CORIN: variants seen among roughly 807,000 people sequenced by gnomAD.
The protein encoded by CORIN is corin, serine peptidase.
CORIN carries 117 observed loss-of-function variants against 125.3 expected under a neutral mutation model. That is an observed-to-expected ratio of 0.93 (90% CI 0.80 to 1.09). The LOEUF (loss-of-function observed/expected upper bound fraction) is 1.09. Ranked by LOEUF, CORIN falls within the 50% of genes least tolerant of loss-of-function variation. The pLI is 0.00. For missense variants in CORIN, 1,253 were observed against 1,306.7 expected (o/e 0.96, Z 0.63); for synonymous variants, 450 against 466.4 (o/e 0.96, Z 0.45).
At chr4:47,681,357 G>A (rs1328037448) in intron 7 of CORIN, 2 of 152,274 alleles carry the variant, frequency 1.3e-5, no homozygotes, top group Admixed American at 1.3e-4. Context: ...CTGAAGGAAA[G>A]TGATAATTAT....
intron 5 of CORIN, among the ~76,000 whole-genome samples, chr4:47,716,158 C>G (rs1368474853): frequency 1.3e-5 from 2 of 152,202 alleles, no homozygotes; most frequent in African/African-American, 2.4e-5. Context: ...TAAAGAGTAA[C>G]AGGATGATCT....
At position 47,653,657 on chromosome 4, in the gene CORIN, C is replaced by T. The variant is rs1723837465; in HGVS notation, c.1739G>A (p.Cys580Tyr). 1.9e-6 allele frequency: 3 copies of T among 1,613,290 alleles called. No homozygotes were observed. The highest frequency in any genetic ancestry group is 1.7e-6 in the Non-Finnish European group (2 of 1,179,466). ...GCGGCACTTGAAATGACTAGGTGAG[C>T]ATTCTATTAAAAACAATATTACTGT... is the stretch of plus-strand genomic sequence containing the variant. ...CLMPDEYVEE[C>Y]SPSHFKCRSG... Residue 580 changes from cysteine (C) to tyrosine (Y), a missense_variant, in exon 13 of 22, where the codon TGC becomes TAC. Physicochemically the swap from Cys to Tyr is radical, Grantham distance 194. Transcript: ENST00000273857.
intron 5 of CORIN, among the ~76,000 whole-genome samples, chr4:47,720,290 C>T (rs1727287438): frequency 1.3e-5 from 2 of 152,154 alleles, no homozygotes; most frequent in South Asian, 4.1e-4. Context: ...AACAGGTGGA[C>T]TTATTTTCAG....
intron 19 of CORIN, among the ~76,000 whole-genome samples, chr4:47,603,883 G>A (rs977629685): frequency 2.6e-5 from 4 of 152,158 alleles, no homozygotes; most frequent in Admixed American, 2.0e-4. Flanking sequence ...TCCTGAATGG[G>A]GCTAGTCTTT....
At chr4:47,634,717 T>C (rs1429409601) in intron 16 of CORIN, among the ~76,000 whole-genome samples, 17 of 152,220 alleles carry the variant, frequency 1.1e-4, no homozygotes, top group Admixed American at 1.1e-3. Flanking sequence ...ACCAATTACT[T>C]TGGCCTGGCA....
intron 3 of CORIN, among the ~76,000 whole-genome samples, chr4:47,777,972 G>A (rs959161884): frequency 1.3e-5 from 2 of 152,120 alleles, no homozygotes; most frequent in African/African-American, 2.4e-5. Context: ...AGAACCAGAG[G>A]AAAAAGTAAA....
intron 10 of CORIN, among the ~76,000 whole-genome samples, chr4:47,673,823 G>T (rs578076222): frequency 1.2e-4 from 18 of 152,262 alleles, no homozygotes; most frequent in African/African-American, 4.1e-4. Flanking sequence ...CCAGGCAGAT[G>T]GATCACTGAG....
At chr4:47,822,457 C>T (rs1732560455) in intron 1 of CORIN, among the ~76,000 whole-genome samples, 2 of 152,162 alleles carry the variant, frequency 1.3e-5, no homozygotes, top group African/African-American at 4.8e-5. Context: ...CAATAATACC[C>T]CTTCTACCAA....
At chr4:47,822,435 T>C (rs1046611168) in intron 1 of CORIN, among the ~76,000 whole-genome samples, 1 of 152,254 alleles carries the variant, frequency 6.6e-6, no homozygotes, top group African/African-American at 2.4e-5. Flanking sequence ...CCACTGGTTT[T>C]TCCATTAGTC....
chr4:47,678,639 G>C (rs2109707599), intron 8 of CORIN, among the ~76,000 whole-genome samples: 1 of 152,320 alleles, frequency 6.6e-6, no homozygotes, highest in Admixed American at 6.5e-5. Context: ...ACTTGTTTAT[G>C]ACAACTGATA....
intron 3 of CORIN, among the ~76,000 whole-genome samples, chr4:47,764,823 A>G (rs1183971813): frequency 1.3e-5 from 2 of 152,188 alleles, no homozygotes; most frequent in African/African-American, 4.8e-5. Flanking sequence ...AATATGTAAT[A>G]CACCTGTATA....
intron 4 of CORIN, among the ~76,000 whole-genome samples, chr4:47,761,496 C>CAA (rs1301276632): frequency 6.6e-6 from 1 of 151,900 alleles, no homozygotes; most frequent in African/African-American, 2.4e-5. Context: ...CACACACACA[C>CAA]ACACACACAC....
intron 4 of CORIN, among the ~76,000 whole-genome samples, chr4:47,752,048 C>G (rs555390099): frequency 1.4e-4 from 21 of 152,104 alleles, no homozygotes; most frequent in Admixed American, 7.2e-4. Flanking sequence ...TCAATTATGA[C>G]AGGATGCTCA....
chr4:47,823,466 GGGTGGT>G (rs1366472203), intron 1 of CORIN, among the ~76,000 whole-genome samples: 1 of 152,092 alleles, frequency 6.6e-6, no homozygotes, highest in Non-Finnish European at 1.5e-5. Context: ...ATTGTTCCTG[GGGTGGT>G]GTTGTTCCCA....
At chr4:47,777,333 C>G (rs1427760727) in intron 3 of CORIN, among the ~76,000 whole-genome samples, 1 of 152,084 alleles carries the variant, frequency 6.6e-6, no homozygotes, top group Non-Finnish European at 1.5e-5. Context: ...TACCATAAGT[C>G]TTATTAATTC....
intron 5 of CORIN, among the ~76,000 whole-genome samples, chr4:47,743,795 G>A (rs957171528): frequency 1.3e-5 from 2 of 151,970 alleles, no homozygotes; most frequent in Non-Finnish European, 2.9e-5. Flanking sequence ...TGAGGCAGGA[G>A]AATTGCTCGA....
At chr4:47,662,684 T>C (rs1724306984) in intron 11 of CORIN, among the ~76,000 whole-genome samples, 4 of 152,104 alleles carry the variant, frequency 2.6e-5, no homozygotes, top group Admixed American at 2.6e-4. Flanking sequence ...TGGACTCAAA[T>C]AAACTCTTAC....
At chr4:47,819,166 C>T (rs1015922037) in intron 1 of CORIN, among the ~76,000 whole-genome samples, 5 of 152,142 alleles carry the variant, frequency 3.3e-5, no homozygotes, top group African/African-American at 9.6e-5. Flanking sequence ...AGGTTAGATG[C>T]GGATTTGAGA....
At chr4:47,679,932 G>A in intron 8 of CORIN, 2 of 402,906 alleles carry the variant, frequency 5.0e-6, no homozygotes, top group Non-Finnish European at 8.9e-6. Flanking sequence ...TTGGAGTTTT[G>A]CAGGGAGAGG....
Sources: gnomAD v4.1 joint callset for allele counts (sites outside exome capture counted in the v4.1 genomes callset) on GRCh38, gnomAD v4.1.1 for gene constraint, MANE v1.5 for transcripts, NCBI Gene and HGNC (gene_info 2026-07-23, HGNC 2026-07-21) for gene names.